Variants in PNLIP observed in about 807,000 individuals in gnomAD.
PNLIP encodes the protein pancreatic triacylglycerol lipase.
In PNLIP, 49 loss-of-function variants were observed where a neutral mutation model predicts 57.1. That is an observed-to-expected ratio of 0.86 (90% CI 0.68 to 1.09). PNLIP has a LOEUF of 1.09. Among genes scored for constraint, PNLIP ranks in the 50% least tolerant of loss-of-function variants. The pLI, the probability that PNLIP is intolerant of heterozygous loss-of-function variation, is 0.00. For missense variants in PNLIP, 503 were observed against 570.2 expected (o/e 0.88, Z 1.20); for synonymous variants, 209 against 200.4 (o/e 1.04, Z -0.36).
intron 12 of PNLIP, among the ~76,000 whole-genome samples, chr10:116,562,167 C>G (rs1165640539): frequency 6.6e-6 from 1 of 152,144 alleles, no homozygotes; most frequent in Non-Finnish European, 1.5e-5. Context: ...ATAATCATAA[C>G]AATACCAATA....
chr10:116,546,694 A>C (rs1348392638), intron 2 of PNLIP, among the ~76,000 whole-genome samples: 5 of 152,104 alleles, frequency 3.3e-5, no homozygotes, highest in Non-Finnish European at 5.9e-5. Flanking sequence ...AACAGCTGCT[A>C]CTCTTACTCC....
intron 1 of PNLIP, 66 bp from the exon 2 acceptor site, chr10:116,546,027 T>TGGGG: frequency 7.2e-7 from 1 of 1,392,066 alleles, no homozygotes; most frequent in Non-Finnish European, 1.0e-6. Context: ...GAGGTCTAAA[T>TGGGG]GAACTAAAAC....
At chr10:116,550,387 A>T (rs1486471302) in intron 4 of PNLIP, among the ~76,000 whole-genome samples, 2 of 151,972 alleles carry the variant, frequency 1.3e-5, no homozygotes, top group Non-Finnish European at 1.5e-5. Flanking sequence ...AAAAAAAAAA[A>T]GAAGCTATAC....
intron 3 of PNLIP, 36 bp downstream of exon 3, chr10:116,547,484 T>G (rs770223429): frequency 7.6e-6 from 12 of 1,577,612 alleles, no homozygotes; most frequent in Non-Finnish European, 6.0e-6. Flanking sequence ...CTAAGTTCTT[T>G]GGGAGGCCGA....
At chr10:116,550,346 C>T (rs1413092317) in intron 4 of PNLIP, among the ~76,000 whole-genome samples, 1 of 150,850 alleles carries the variant, frequency 6.6e-6, no homozygotes, top group Non-Finnish European at 1.5e-5. Flanking sequence ...GCGTGACCAC[C>T]GCACCTGGCC....
Position 116,567,730 on chromosome 10 carries a change from C to T in PNLIP, c.1335-5C>T. The T allele has an allele frequency of 5.6e-6, 9 of 1,613,220 alleles. No homozygotes were observed. Among genetic ancestry groups the T allele is most frequent in the Non-Finnish European group, 7.6e-6 (9 of 1,179,210 alleles). ...AGGTGACTTTGTGTTGTTTTTTCTC[C>T]ACAGGTTCAACTTCTGTAGTCCAGA... On this transcript the variant is annotated splice_polypyrimidine_tract_variant and splice_region_variant and intron_variant, in intron 12 of 12. Coordinates refer to ENST00000369221, the MANE Select transcript of PNLIP (RefSeq NM_000936.4).
intron 12 of PNLIP, among the ~76,000 whole-genome samples, chr10:116,562,713 T>C (rs1291065539): frequency 6.6e-6 from 1 of 152,188 alleles, no homozygotes; most frequent in Non-Finnish European, 1.5e-5. Context: ...GAAATATCCA[T>C]TTGATGGATT....
intron 11 of PNLIP, 73 bp from the exon 12 acceptor site, chr10:116,561,399 A>T: frequency 8.7e-7 from 1 of 1,146,270 alleles, no homozygotes; most frequent in Non-Finnish European, 1.3e-6. Flanking sequence ...ACACACTTAC[A>T]TACACACAAA....
intron 5 of PNLIP, among the ~76,000 whole-genome samples, chr10:116,552,398 T>C (rs1847203357): frequency 6.6e-6 from 1 of 152,178 alleles, no homozygotes; most frequent in Non-Finnish European, 1.5e-5. Flanking sequence ...GTGATATTGA[T>C]GATCCTGACC....
At chr10:116,559,368 C>A in intron 10 of PNLIP, 85 bp downstream of exon 10, 1 of 1,063,722 alleles carries the variant, frequency 9.4e-7, no homozygotes, top group Non-Finnish European at 1.4e-6. Flanking sequence ...ACTTGCTTTT[C>A]TATACAAAAG....
chr10:116,553,293 CG>C (rs1589555910), intron 5 of PNLIP, among the ~76,000 whole-genome samples: 2 of 152,220 alleles, frequency 1.3e-5, no homozygotes, highest in East Asian at 3.9e-4. Flanking sequence ...TTTGTAGAGA[CG>C]GGGTTTCACC....
At chr10:116,549,488 A>C (rs1439316391) in intron 4 of PNLIP, among the ~76,000 whole-genome samples, 1 of 151,708 alleles carries the variant, frequency 6.6e-6, no homozygotes, top group East Asian at 1.9e-4. Context: ...CAAAAAAAAA[A>C]CAAAAAAAGA....
At position 116,551,235 on chromosome 10, in the gene PNLIP, A is replaced by G. The variant is rs766653734; in HGVS notation, c.459+3A>G. On this transcript the variant is annotated splice_donor_region_variant and intron_variant, in intron 5 of 12. Coordinates refer to ENST00000369221, the MANE Select transcript of PNLIP (RefSeq NM_000936.4). ...CATATTTTGTTGAATTTCTTCAGGT[A>G]ATTACTCCCGGATTGCATAAAAGCC... The G allele has an allele frequency of 1.9e-6, 3 of 1,603,024 alleles. No homozygotes were observed. The highest frequency in any genetic ancestry group is 1.7e-6 in the Non-Finnish European group (2 of 1,174,260).
chr10:116,564,488 C>G (rs560455855), intron 12 of PNLIP, among the ~76,000 whole-genome samples: 1 of 152,192 alleles, frequency 6.6e-6, no homozygotes, highest in South Asian at 2.1e-4. Context: ...GAAATAATTC[C>G]TCACCAGCAG....
At chr10:116,565,685 G>C (rs1040860801) in intron 12 of PNLIP, among the ~76,000 whole-genome samples, 1 of 152,036 alleles carries the variant, frequency 6.6e-6, no homozygotes, top group African/African-American at 2.4e-5. Flanking sequence ...GTCTCAAACT[G>C]ACCTCAAGTG....
Position 116,556,040 on chromosome 10 carries a change from C to G in PNLIP, c.852C>G (p.Tyr284Ter). The G allele has an allele frequency of 6.2e-7, 1 of 1,613,808 alleles. No individual in the cohort carries two copies. Among genetic ancestry groups the G allele is most frequent in the South Asian group, 1.1e-5 (1 of 91,070 alleles). The change falls in exon 9 of 13, where the codon TAC becomes TAG. Residue 284 changes from tyrosine to a stop codon, truncating the protein, a stop_gained. Transcript: ENST00000369221. LOFTEE classifies it high-confidence loss of function. ...DFAACNHLRS[Y>*]KYYTDSIVNP... Reference sequence around the variant, plus strand: ...CGGCCTGTAATCACTTAAGAAGCTACAAATATTACACTGATAGCATCGTCA... The same window carrying G: ...CGGCCTGTAATCACTTAAGAAGCTAGAAATATTACACTGATAGCATCGTCA...
rs181032467 is a variant in PNLIP, at chr10:116,567,669, C to T, written c.1335-66C>T. ...TAGGAGGTTGGGGGCATAGATTGTC[C>T]TCACTGTCACACTCCAGATATGTGC... On this transcript the variant is annotated intron_variant, in intron 12 of 12. Coordinates refer to ENST00000369221, the MANE Select transcript of PNLIP (RefSeq NM_000936.4). 6.6e-5 allele frequency: 90 copies of T among 1,356,160 alleles called. No individual in the cohort carries two copies. In the African/African-American group the frequency reaches 9.6e-4, roughly 14 times the overall value. The allele number at this position is 1,356,160 out of a possible 1,614,324, so 84.0% of individuals were successfully genotyped here. A position where few individuals can be genotyped will look rare whatever the true frequency, so the allele number is the denominator to read the frequency against.
In PNLIP at chr10:116,564,381, C is replaced by T. The variant is rs564038322; in HGVS notation, c.1334+2745C>T. Among the ~76,000 whole-genome samples the T allele has an allele frequency of 3.9e-5, 6 of 152,198 alleles. No individual in the cohort carries two copies. The East Asian group carries it at 1.2e-3, about 29-fold the overall frequency. ...CAATGCAAGCCAGAAGGCAGTGAAACAACATCTTAGAGTATGGAAAGGAAA... is the reference window on the plus strand; with the variant it reads ...CAATGCAAGCCAGAAGGCAGTGAAATAACATCTTAGAGTATGGAAAGGAAA... On this transcript the variant is annotated intron_variant, in intron 12 of 12. Coordinates refer to ENST00000369221, the MANE Select transcript of PNLIP (RefSeq NM_000936.4).
chr10:116,553,627 A>G, intron 5 of PNLIP, 100 bp from the exon 6 acceptor site: 1 of 733,410 alleles, frequency 1.4e-6, no homozygotes, highest in South Asian at 1.5e-5. Flanking sequence ...TCCCACAACA[A>G]TGAAATCGCT....
Sources: allele counts gnomAD v4.1 joint callset (sites outside exome capture counted in the v4.1 genomes callset), GRCh38; gene constraint gnomAD v4.1.1; transcripts MANE v1.5; gene names NCBI Gene and HGNC (gene_info 2026-07-23, HGNC 2026-07-21).